ATP8A2: variants seen among roughly 807,000 people sequenced by gnomAD.
ATP8A2 encodes the protein phospholipid-transporting ATPase IB.
In ATP8A2, 100 loss-of-function variants were observed where a neutral mutation model predicts 165.6. The ratio of observed to expected loss-of-function variants is 0.60; its 90% CI spans 0.51 to 0.71. ATP8A2 has a LOEUF of 0.71. Among genes scored for constraint, ATP8A2 ranks in the 30% least tolerant of loss-of-function variants. ATP8A2 has a pLI of 0.00. For synonymous variants in ATP8A2, 543 were observed against 548.8 expected (o/e 0.99, Z 0.15); for missense variants, 1,227 against 1,479.5 (o/e 0.83, Z 2.80).
At chr13:25,740,084 C>T (rs1217104882) in intron 25 of ATP8A2, among the ~76,000 whole-genome samples, 2 of 152,008 alleles carry the variant, frequency 1.3e-5, no homozygotes, top group Non-Finnish European at 2.9e-5. Context: ...CCGAGACGGG[C>T]GGATCACAAG....
intron 1 of ATP8A2, among the ~76,000 whole-genome samples, chr13:25,389,587 T>C (rs2033172414): frequency 6.6e-6 from 1 of 152,252 alleles, no homozygotes. Flanking sequence ...AGAAATGCAT[T>C]TGTGAACCTG....
intron 33 of ATP8A2, among the ~76,000 whole-genome samples, chr13:25,898,175 T>G (rs1014701077): frequency 6.6e-6 from 1 of 152,198 alleles, no homozygotes; most frequent in Non-Finnish European, 1.5e-5. Context: ...CTTTGGTCTT[T>G]GATGATGGTG....
chr13:25,414,188 T>TTTA (rs2034063919), intron 1 of ATP8A2, among the ~76,000 whole-genome samples: 1 of 56,628 alleles, frequency 1.8e-5, no homozygotes, highest in Non-Finnish European at 3.3e-5. Flanking sequence ...GCTGTGGTGT[T>TTTA]TTTTTTTTTT....
chr13:25,540,960 C>T (rs1192896717), intron 8 of ATP8A2, among the ~76,000 whole-genome samples: 4 of 151,512 alleles, frequency 2.6e-5, no homozygotes, highest in Non-Finnish European at 5.9e-5. Flanking sequence ...CTCCCGGGTT[C>T]AAGCGATTCT....
chr13:25,640,871 C>T (rs1180472420), intron 24 of ATP8A2, among the ~76,000 whole-genome samples: 2 of 152,124 alleles, frequency 1.3e-5, no homozygotes, highest in African/African-American at 4.8e-5. Flanking sequence ...TACTGGCAAA[C>T]CAAATTTAGC....
At chr13:25,743,401 T>C (rs2043959577) in intron 25 of ATP8A2, among the ~76,000 whole-genome samples, 1 of 152,212 alleles carries the variant, frequency 6.6e-6, no homozygotes. Flanking sequence ...ATCCAGTTTA[T>C]GGTGCTTGGT....
intron 24 of ATP8A2, among the ~76,000 whole-genome samples, chr13:25,606,953 G>GT (rs1299707029): frequency 1.3e-5 from 2 of 152,046 alleles, no homozygotes; most frequent in Non-Finnish European, 2.9e-5. Context: ...AACAGTACTG[G>GT]TCCATGGCCT....
intron 27 of ATP8A2, among the ~76,000 whole-genome samples, chr13:25,802,805 C>A (rs1950648320): frequency 6.6e-6 from 1 of 152,132 alleles, no homozygotes; most frequent in South Asian, 2.1e-4. Context: ...TTCCATGAGC[C>A]CCTTCAGTGG....
At chr13:25,939,837 G>A (rs1039156540) in intron 33 of ATP8A2, among the ~76,000 whole-genome samples, 1 of 152,150 alleles carries the variant, frequency 6.6e-6, no homozygotes, top group Non-Finnish European at 1.5e-5. Flanking sequence ...TGCAGTTGAC[G>A]TCCACTCCTA....
At position 26,021,364 on chromosome 13, in the gene ATP8A2, G is replaced by A. The variant is rs1957079702; in HGVS notation, c.*1379G>A. On this transcript the variant is annotated 3_prime_UTR_variant, in exon 37 of 37. Coordinates refer to ENST00000381655, the MANE Select transcript of ATP8A2 (RefSeq NM_016529.6). ...AAGACCTTCACACACAGTTCTAATTGAAAAGAATTCCAAACATTTCAGGGA... is the reference window on the plus strand; with the variant it reads ...AAGACCTTCACACACAGTTCTAATTAAAAAGAATTCCAAACATTTCAGGGA... The A allele has an allele frequency of 6.6e-6, 1 of 152,214 alleles. No individual in the cohort carries two copies. The highest frequency in any genetic ancestry group is 2.1e-4 in the South Asian group (1 of 4,832). The allele number at this position is 152,214 out of a possible 1,614,324, so 9.4% of individuals were successfully genotyped here. A position where few individuals can be genotyped will look rare whatever the true frequency, so the allele number is the denominator to read the frequency against.
intron 33 of ATP8A2, among the ~76,000 whole-genome samples, chr13:25,935,457 G>T (rs557610654): frequency 3.9e-5 from 6 of 152,274 alleles, no homozygotes; most frequent in African/African-American, 1.2e-4. Context: ...CATTTGCATT[G>T]CTGTAAAGGA....
chr13:25,547,024 GGAGGCT>G (rs2038673696), intron 10 of ATP8A2, among the ~76,000 whole-genome samples: 1 of 152,132 alleles, frequency 6.6e-6, no homozygotes, highest in South Asian at 2.1e-4. Flanking sequence ...CAGCTACTCA[GGAGGCT>G]GAGGCAGGAG....
intron 27 of ATP8A2, among the ~76,000 whole-genome samples, chr13:25,817,275 T>C (rs1272396891): frequency 6.6e-6 from 1 of 150,522 alleles, no homozygotes; most frequent in African/African-American, 2.4e-5. Context: ...GATTATGTTC[T>C]ATTGTGCCAA....
At chr13:25,804,204 G>C (rs1377909037) in intron 27 of ATP8A2, among the ~76,000 whole-genome samples, 1 of 152,070 alleles carries the variant, frequency 6.6e-6, no homozygotes, top group African/African-American at 2.4e-5. Context: ...GTCATTTTCT[G>C]CTGGGGGTGG....
At chr13:25,688,357 C>T (rs880606) in intron 24 of ATP8A2, among the ~76,000 whole-genome samples, 15,908 of 152,062 alleles carry the variant, frequency 0.1, 962 homozygotes, top group East Asian at 0.26. Flanking sequence ...CACCCTAGTT[C>T]GTTACGGGTT....
intron 25 of ATP8A2, among the ~76,000 whole-genome samples, chr13:25,711,959 C>A (rs544167536): frequency 2.0e-5 from 3 of 152,254 alleles, no homozygotes; most frequent in East Asian, 3.9e-4. Flanking sequence ...GTGTTCACTT[C>A]TGGTGCAGGT....
intron 26 of ATP8A2, among the ~76,000 whole-genome samples, chr13:25,770,418 A>T (rs2044594472): frequency 1.3e-5 from 2 of 152,128 alleles, no homozygotes; most frequent in South Asian, 4.1e-4. Context: ...GCTCAAGAAG[A>T]CAGCTTTGAC....
intron 25 of ATP8A2, among the ~76,000 whole-genome samples, chr13:25,701,723 A>AACACACACACACACACACACAC (rs71077495): frequency 7.1e-6 from 1 of 140,482 alleles, no homozygotes; most frequent in Non-Finnish European, 1.5e-5. Context: ...TTGATACTAA[A>AACACACACACACACACACACAC]ACACACACAC....
At chr13:25,649,628 G>A (rs1355839166) in intron 24 of ATP8A2, among the ~76,000 whole-genome samples, 1 of 152,058 alleles carries the variant, frequency 6.6e-6, no homozygotes, top group East Asian at 1.9e-4. Context: ...GCCTGGGTAG[G>A]GTCTTGGGGT....
Sources: allele counts gnomAD v4.1 joint callset (sites outside exome capture counted in the v4.1 genomes callset), GRCh38; gene constraint gnomAD v4.1.1; transcripts MANE v1.5; gene names NCBI Gene and HGNC (gene_info 2026-07-23, HGNC 2026-07-21).